Variants in TIAM2 observed in about 807,000 individuals in gnomAD.
TIAM2 encodes TIAM Rac1 associated GEF 2.
In TIAM2, 80 loss-of-function variants were observed where a neutral mutation model predicts 152.9. The observed-to-expected ratio is 0.52, with a 90% confidence interval of 0.44 to 0.63. TIAM2 has a LOEUF of 0.63. Among genes scored for constraint, TIAM2 ranks in the 30% least tolerant of loss-of-function variants. TIAM2 has a pLI of 0.00. For synonymous variants in TIAM2, 804 were observed against 838.0 expected, an observed-to-expected ratio of 0.96 and a Z score of 0.70; for missense variants, 1,965 against 2,120.1, an observed-to-expected ratio of 0.93 and a Z score of 1.44.
chr6:155,203,070 AGAG>A (rs143709405), intron 14 of TIAM2, among the ~76,000 whole-genome samples: 2 of 142,392 alleles, frequency 1.4e-5, no homozygotes, highest in Non-Finnish European at 3.1e-5. Flanking sequence ...AAAAAAAAAA[AGAG>A]AAAGATTTGC....
At chr6:155,041,262 G>GT (rs934305616) in intron 1 of TIAM2, among the ~76,000 whole-genome samples, 2 of 152,130 alleles carry the variant, frequency 1.3e-5, no homozygotes, top group Non-Finnish European at 2.9e-5. Flanking sequence ...AAAGATTTTT[G>GT]TTTTTTCCCC....
chr6:155,133,834 G>A (rs1274843777), intron 4 of TIAM2, among the ~76,000 whole-genome samples: 1 of 151,780 alleles, frequency 6.6e-6, no homozygotes, highest in Non-Finnish European at 1.5e-5. Context: ...CTGCCTCAGC[G>A]TCCTGAGTAG....
At chr6:155,071,912 A>AT (rs397968265) in intron 1 of TIAM2, among the ~76,000 whole-genome samples, 1 of 149,414 alleles carries the variant, frequency 6.7e-6, no homozygotes, top group East Asian at 1.9e-4. Flanking sequence ...AAAAAAAAAA[A>AT]GTAATAAAAT....
Position 155,252,949 on chromosome 6 carries a change from C to T in TIAM2, c.4121C>T (p.Pro1374Leu). 1 of 1,613,910 alleles carries T rather than the reference C, an allele frequency of 6.2e-7. No individual in the cohort carries two copies. The change falls in exon 24 of 27, where the codon CCC (proline) becomes CTC (leucine). Residue 1374 changes from proline to leucine, a missense_variant and splice_region_variant. Pro to Leu is a moderately conservative substitution (Grantham distance 98). This residue lies in a region of TIAM2 where 935 missense variants were observed against 980.0 expected (regional missense o/e 0.95). Transcript: ENST00000682666. ...TCTTGGTGGGCCTTCATGTTACAGC[C>T]CTCGAATTCCCGGCCTGCACACAAC... ...KENCKLKKKL[P>L]SNSRPAHNST... is the part of the protein sequence containing the mutation.
At chr6:155,121,053 G>A (rs1779138011) in intron 2 of TIAM2, among the ~76,000 whole-genome samples, 3 of 151,970 alleles carry the variant, frequency 2.0e-5, no homozygotes, top group Admixed American at 2.0e-4. Context: ...TAATAATTTG[G>A]AGGAATTGAT....
intron 2 of TIAM2, among the ~76,000 whole-genome samples, chr6:155,110,803 A>T: frequency 6.6e-6 from 1 of 152,240 alleles, no homozygotes; most frequent in Admixed American, 6.5e-5. Context: ...CCAAGTTATC[A>T]TTTACACTTA....
chr6:155,093,098 G>GT (rs1247932567), intron 2 of TIAM2, among the ~76,000 whole-genome samples: 6 of 152,112 alleles, frequency 3.9e-5, no homozygotes, highest in Non-Finnish European at 5.9e-5. Context: ...TGTCTTTTTG[G>GT]TATCAGACAG....
At chr6:155,122,488 T>C (rs1779184688) in intron 2 of TIAM2, among the ~76,000 whole-genome samples, 1 of 151,986 alleles carries the variant, frequency 6.6e-6, no homozygotes, top group Admixed American at 6.6e-5. Context: ...AGGTAGGATT[T>C]TGGGGATTGG....
chr6:155,023,042 G>GTT (rs762200760), intron 1 of TIAM2, among the ~76,000 whole-genome samples: 20,114 of 85,522 alleles, frequency 0.24, 1,562 homozygotes, highest in Middle Eastern at 0.35. Flanking sequence ...TTTTTGTTCT[G>GTT]TTTTTTTTTT....
intron 1 of TIAM2, among the ~76,000 whole-genome samples, chr6:155,021,201 T>C (rs1374812512): frequency 1.3e-5 from 2 of 152,214 alleles, no homozygotes; most frequent in Admixed American, 6.5e-5. Flanking sequence ...GCTGTACAAA[T>C]ATCTCTTCAA....
chr6:155,037,802 T>C (rs9384271), intron 1 of TIAM2, among the ~76,000 whole-genome samples: 22,148 of 152,142 alleles, frequency 0.15, 1,876 homozygotes, highest in East Asian at 0.32. Flanking sequence ...AGTGCTGGGA[T>C]TGCAGGTGTG....
At chr6:154,999,168 T>A (rs1238981989) in intron 1 of TIAM2, among the ~76,000 whole-genome samples, 1 of 151,930 alleles carries the variant, frequency 6.6e-6, no homozygotes, top group African/African-American at 2.4e-5. Flanking sequence ...GCATCTCTAT[T>A]ATATATTCAA....
intron 1 of TIAM2, among the ~76,000 whole-genome samples, chr6:155,064,877 T>TTCCTTTCTCCCCCTCTATTCTCCCC (rs1368961901): frequency 1.0e-5 from 1 of 98,166 alleles, no homozygotes; most frequent in African/African-American, 3.6e-5. Flanking sequence ...CCCTTTTCCC[T>TTCCTTTCTCCCCCTCTATTCTCCCC]TCCTTTCTCC....
In TIAM2 at chr6:155,252,971, C is replaced by T. The variant is rs139019519; in HGVS notation, c.4143C>T (p.His1381=). 53 of 1,614,192 alleles carry T rather than the reference C, an allele frequency of 3.3e-5. No homozygotes were observed. The Middle Eastern group carries it at 6.6e-4, about 20-fold the overall frequency. Residue 1381 remains histidine (H), a synonymous_variant, in exon 24 of 27, where the codon CAC becomes CAT. Coordinates refer to ENST00000682666, the MANE Select transcript of TIAM2 (RefSeq NM_012454.4). Reference sequence around the variant, plus strand: ...AGCCCTCGAATTCCCGGCCTGCACACAACTCTACTGACTTGGACCCATTTA... The same window carrying T: ...AGCCCTCGAATTCCCGGCCTGCACATAACTCTACTGACTTGGACCCATTTA... ...KKLPSNSRPA[H]NSTDLDPFKF... is the part of the protein sequence containing the mutation.
At chr6:155,192,220 C>G (rs187479102) in intron 14 of TIAM2, among the ~76,000 whole-genome samples, 2 of 152,112 alleles carry the variant, frequency 1.3e-5, no homozygotes. Context: ...GAACACAGCC[C>G]TGTGGCCTTA....
chr6:155,250,102 G>T, intron 21 of TIAM2, 133 bp downstream of exon 21: 1 of 626,688 alleles, frequency 1.6e-6, no homozygotes, highest in Non-Finnish European at 2.8e-6. Context: ...ATAACAATGT[G>T]TCTAATGAAC....
At chr6:155,179,262 C>T (rs1379161020) in intron 11 of TIAM2, 116 bp from the exon 12 acceptor site, 1 of 1,415,110 alleles carries the variant, frequency 7.1e-7, no homozygotes, top group Non-Finnish European at 9.9e-7. Context: ...TGGAAACAGT[C>T]TCTATATAAA....
chr6:155,220,936 G>A (rs913400545), intron 15 of TIAM2, among the ~76,000 whole-genome samples: 1 of 151,732 alleles, frequency 6.6e-6, no homozygotes, highest in Non-Finnish European at 1.5e-5. Context: ...TCCACTACAG[G>A]CCCCGGTGTG....
At chr6:155,028,107 T>C (rs541082301) in intron 1 of TIAM2, among the ~76,000 whole-genome samples, 1 of 111,814 alleles carries the variant, frequency 8.9e-6, no homozygotes, top group African/African-American at 4.0e-5. Context: ...ATATATAATA[T>C]ATGTACTGTG....
Sources: gnomAD v4.1 joint callset for allele counts (sites outside exome capture counted in the v4.1 genomes callset) on GRCh38, gnomAD v4.1.1 for gene constraint, gnomAD v4.1.1 regional missense constraint, MANE v1.5 for transcripts, NCBI Gene and HGNC (gene_info 2026-07-23, HGNC 2026-07-21) for gene names.